Variants in SYNE1 observed in about 807,000 individuals in gnomAD.
SYNE1 encodes spectrin repeat containing nuclear envelope protein 1, also known as nesprin-1.
In SYNE1, 616 loss-of-function variants were observed where a neutral mutation model predicts 1,111.0. The ratio of observed to expected loss-of-function variants is 0.55; its 90% CI spans 0.52 to 0.59. The LOEUF (loss-of-function observed/expected upper bound fraction) is 0.59. SYNE1 is among the 20% of genes least tolerant of loss of function. The probability of loss-of-function intolerance (pLI) is 0.00; values close to 1 mark genes in which losing one functional copy is unlikely to be tolerated. For synonymous variants in SYNE1, 3,855 were observed against 3,825.8 expected (o/e 1.01, Z -0.28); for missense variants, 10,006 against 10,417.0 (o/e 0.96, Z 1.72).
At chr6:152,419,963 T>A (rs2098228530) in intron 39 of SYNE1, among the ~76,000 whole-genome samples, 1 of 152,208 alleles carries the variant, frequency 6.6e-6, no homozygotes, top group Admixed American at 6.5e-5. Flanking sequence ...TTGTCCTTTC[T>A]TTACGAGTGC....
intron 14 of SYNE1, among the ~76,000 whole-genome samples, chr6:152,478,081 G>A (rs1297281943): frequency 6.6e-6 from 1 of 152,120 alleles, no homozygotes; most frequent in African/African-American, 2.4e-5. Context: ...GTCTTTCAAG[G>A]GTAAAGGGAC....
chr6:152,618,579 T>C (rs7749155), intron 3 of SYNE1, among the ~76,000 whole-genome samples: 10,287 of 152,244 alleles, frequency 0.068, 398 homozygotes, highest in Middle Eastern at 0.13. Flanking sequence ...TTAATGTGGG[T>C]GGAGACCACT....
chr6:152,131,586 C>T (rs1468627007), intron 144 of SYNE1, among the ~76,000 whole-genome samples: 3 of 152,152 alleles, frequency 2.0e-5, no homozygotes, highest in East Asian at 1.9e-4. Context: ...AGGCAGCCCC[C>T]GCCAAGGCCT....
chr6:152,367,411 T>C lies in SYNE1; in HGVS notation c.9808-29A>G, dbSNP rs780802626. ...GAAATGACAGAAATGGTTTTCGAGCTGTCCATCCCACAGAGACAAACTGCA... is the reference window on the plus strand; with the variant it reads ...GAAATGACAGAAATGGTTTTCGAGCCGTCCATCCCACAGAGACAAACTGCA... On this transcript the variant is annotated intron_variant, in intron 61 of 145. Transcript: ENST00000367255. 14 of 1,612,204 alleles carry C rather than the reference T, an allele frequency of 8.7e-6. No individual in the cohort carries two copies. The East Asian group carries it at 3.1e-4, about 36-fold the overall frequency.
intron 145 of SYNE1, chr6:152,128,858 C>T (rs1173693368): frequency 2.6e-5 from 4 of 152,290 alleles, no homozygotes; most frequent in African/African-American, 7.2e-5. Flanking sequence ...CTTTCATTCT[C>T]GGGGTTGGGT....
intron 104 of SYNE1, among the ~76,000 whole-genome samples, chr6:152,250,369 A>T (rs2088810935): frequency 6.6e-6 from 1 of 152,184 alleles, no homozygotes; most frequent in South Asian, 2.1e-4. Context: ...TCAACTCAGG[A>T]CCTCTTTACC....
At chr6:152,448,959 A>G (rs1314600451) in intron 28 of SYNE1, among the ~76,000 whole-genome samples, 1 of 152,240 alleles carries the variant, frequency 6.6e-6, no homozygotes. Flanking sequence ...AAAATGTTCA[A>G]AGATGAAGAC....
chr6:152,198,397 A>G (rs2074631784), intron 127 of SYNE1, among the ~76,000 whole-genome samples: 1 of 152,196 alleles, frequency 6.6e-6, no homozygotes, highest in South Asian at 2.1e-4. Flanking sequence ...GTTTCTCTGT[A>G]TCAGCAATAA....
Position 152,438,429 on chromosome 6 carries a change from C to T in SYNE1, c.4150-2328G>A, listed in dbSNP as rs548900597. Among the ~76,000 whole-genome samples, 11 of 152,114 alleles carry T rather than the reference C, an allele frequency of 7.2e-5. No individual in the cohort carries two copies. The South Asian group carries it at 2.3e-3, about 32-fold the overall frequency. ...GCATAATGCAGAGAAATCGAAAGAG[C>T]AGAATGATGGTGATAAAAAAACAAA... On this transcript the variant is annotated intron_variant, in intron 32 of 145. Transcript: ENST00000367255.
In SYNE1 at chr6:152,219,002, C is replaced by A. The variant is rs1372915935; in HGVS notation, c.22044+1G>T. ...GAAGATACTAAATAGGAGCTCTGTA[C>A]CTGTAATGAAGTCTGCTGTTTGCAG... On this transcript the variant is annotated splice_donor_variant, in intron 120 of 145. Coordinates refer to ENST00000367255, the MANE Select transcript of SYNE1 (RefSeq NM_182961.4). LOFTEE classifies it high-confidence loss of function. 6.2e-7 allele frequency: 1 copy of A among 1,613,630 alleles called. No individual in the cohort carries two copies. Among genetic ancestry groups the A allele is most frequent in the East Asian group, 2.2e-5 (1 of 44,890 alleles).
At chr6:152,297,820 TGTGCGC>T (rs751057432) in intron 93 of SYNE1, among the ~76,000 whole-genome samples, 36 of 39,680 alleles carry the variant, frequency 9.1e-4, no homozygotes, top group African/African-American at 3.4e-3. Flanking sequence ...TGTGTGTGTG[TGTGCGC>T]GCGCACGTGG....
At chr6:152,211,104 G>A (rs1338679430) in intron 124 of SYNE1, among the ~76,000 whole-genome samples, 1 of 152,118 alleles carries the variant, frequency 6.6e-6, no homozygotes, top group East Asian at 1.9e-4. Flanking sequence ...AGAGAGATGG[G>A]CTAGTGATCT....
chr6:152,319,341 G>C (rs1003930944), intron 84 of SYNE1, among the ~76,000 whole-genome samples: 1 of 152,162 alleles, frequency 6.6e-6, no homozygotes, highest in African/African-American at 2.4e-5. Flanking sequence ...ATTAACTAAC[G>C]TAATGACCTT....
intron 105 of SYNE1, 101 bp downstream of exon 105, chr6:152,249,060 C>T (rs572357351): frequency 2.4e-6 from 2 of 825,486 alleles, no homozygotes; most frequent in African/African-American, 1.7e-5. Context: ...AACAAAAGTG[C>T]CACTGTGAGC....
At chr6:152,513,934 T>C (rs1439897578) in intron 6 of SYNE1, among the ~76,000 whole-genome samples, 4 of 152,042 alleles carry the variant, frequency 2.6e-5, no homozygotes, top group African/African-American at 7.2e-5. Flanking sequence ...CGAGATACCA[T>C]GTCACACCAG....
intron 130 of SYNE1, among the ~76,000 whole-genome samples, chr6:152,165,488 T>C (rs2063463318): frequency 6.6e-6 from 1 of 152,194 alleles, no homozygotes; most frequent in African/African-American, 2.4e-5. Flanking sequence ...TAATTGTAAT[T>C]AATAATTCTT....
At chr6:152,395,091 T>C (rs2097711630) in intron 51 of SYNE1, among the ~76,000 whole-genome samples, 2 of 149,570 alleles carry the variant, frequency 1.3e-5, no homozygotes, top group Non-Finnish European at 3.0e-5. Context: ...CAAGCACTCT[T>C]TTTTTCTTTT....
chr6:152,130,946 TA>T (rs1240541138), intron 144 of SYNE1, among the ~76,000 whole-genome samples, 168 bp from the exon 145 acceptor site: 1 of 152,204 alleles, frequency 6.6e-6, no homozygotes, highest in African/African-American at 2.4e-5. Context: ...GTTGAAGAAG[TA>T]AAATAAATTT....
At chr6:152,353,143 C>A (rs1199843964) in intron 69 of SYNE1, 120 bp downstream of exon 69, 3 of 1,346,684 alleles carry the variant, frequency 2.2e-6, no homozygotes, top group Non-Finnish European at 3.2e-6. Flanking sequence ...AAATGATGAG[C>A]TCAGGATCAC....
Sources: gnomAD v4.1 joint callset for allele counts (sites outside exome capture counted in the v4.1 genomes callset) on GRCh38, gnomAD v4.1.1 for gene constraint, MANE v1.5 for transcripts, NCBI Gene and HGNC (gene_info 2026-07-23, HGNC 2026-07-21) for gene names.